Variants in DLG2 observed in about 807,000 individuals in gnomAD.
DLG2 encodes disks large homolog 2.
A neutral mutation model predicts 132.5 loss-of-function variants in DLG2; 45 were observed. The ratio of observed to expected loss-of-function variants is 0.34; its 90% CI spans 0.27 to 0.44. The LOEUF (loss-of-function observed/expected upper bound fraction) is 0.44. DLG2 is among the 20% of genes least tolerant of loss of function. The probability of loss-of-function intolerance (pLI) is 1.00; values close to 1 mark genes in which losing one functional copy is unlikely to be tolerated. For missense variants in DLG2, 1,045 were observed against 1,196.9 expected, an observed-to-expected ratio of 0.87 and a Z score of 1.87; for synonymous variants, 424 against 419.6, an observed-to-expected ratio of 1.01 and a Z score of -0.13.
At chr11:84,662,245 T>G (rs2099695177) in intron 6 of DLG2, among the ~76,000 whole-genome samples, 1 of 146,648 alleles carries the variant, frequency 6.8e-6, no homozygotes, top group South Asian at 2.2e-4. Context: ...CAGGCTGGAG[T>G]GCAATGGTAC....
intron 7 of DLG2, among the ~76,000 whole-genome samples, chr11:84,508,047 T>A (rs766256454): frequency 9.2e-5 from 14 of 152,350 alleles, no homozygotes; most frequent in Middle Eastern, 3.4e-3. Context: ...ATAATCCTTT[T>A]CAAAATATAA....
intron 11 of DLG2, among the ~76,000 whole-genome samples, chr11:84,005,040 C>CAACAA (rs1034930161): frequency 1.3e-5 from 2 of 149,028 alleles, no homozygotes; most frequent in South Asian, 2.1e-4. Flanking sequence ...AAACCAAAAA[C>CAACAA]AACAAAACAA....
intron 18 of DLG2, among the ~76,000 whole-genome samples, chr11:83,709,625 A>G (rs187009461): frequency 5.3e-5 from 8 of 152,276 alleles, no homozygotes; most frequent in East Asian, 1.9e-4. Context: ...TAGCTTTCTC[A>G]GCATCTGCAG....
At chr11:83,794,393 T>C (rs7938923) in intron 17 of DLG2, among the ~76,000 whole-genome samples, 62,172 of 150,636 alleles carry the variant, frequency 0.41, 13,206 homozygotes, top group Middle Eastern at 0.59. Flanking sequence ...TGATATGACA[T>C]TTTAAAATAC....
chr11:84,801,336 G>A (rs555729451), intron 6 of DLG2, among the ~76,000 whole-genome samples: 18 of 152,256 alleles, frequency 1.2e-4, no homozygotes, highest in African/African-American at 4.3e-4. Context: ...CTTTGAGGCC[G>A]AGGCGGGCGG....
intron 5 of DLG2, among the ~76,000 whole-genome samples, chr11:85,144,948 A>G (rs905268133): frequency 6.6e-6 from 1 of 151,978 alleles, no homozygotes; most frequent in African/African-American, 2.4e-5. Flanking sequence ...ATTGTTTGTT[A>G]ATGTCCTTTT....
At chr11:84,435,342 A>C (rs1048206265) in intron 7 of DLG2, among the ~76,000 whole-genome samples, 1 of 152,226 alleles carries the variant, frequency 6.6e-6, no homozygotes. Context: ...AACTATTTCC[A>C]TTCACCAGGC....
chr11:84,646,366 A>G (rs932932767), intron 6 of DLG2, among the ~76,000 whole-genome samples: 1 of 152,214 alleles, frequency 6.6e-6, no homozygotes, highest in African/African-American at 2.4e-5. Context: ...AAAATAAAAG[A>G]TGCCAGTTGT....
At position 84,218,793 on chromosome 11, in the gene DLG2, T is replaced by C. The variant is rs370753518; in HGVS notation, c.573+32445A>G. 8.5e-5 allele frequency among the ~76,000 whole-genome samples: 13 copies of C among 152,308 alleles called. No homozygotes were observed. In the East Asian group the frequency reaches 2.1e-3, roughly 25 times the overall value. Reference sequence around the variant, plus strand: ...GTTATCACTACTGAGGAGTTGGCATTACTGACATTTAGTGAGTAGAGGCCA... The same window carrying C: ...GTTATCACTACTGAGGAGTTGGCATCACTGACATTTAGTGAGTAGAGGCCA... On this transcript the variant is annotated intron_variant, in intron 8 of 27. Transcript: ENST00000376104.
At chr11:83,972,338 T>C (rs1425503704) in intron 12 of DLG2, among the ~76,000 whole-genome samples, 1 of 152,178 alleles carries the variant, frequency 6.6e-6, no homozygotes. Context: ...TGTAGATTTG[T>C]GTTTATGAGA....
intron 8 of DLG2, among the ~76,000 whole-genome samples, chr11:84,242,306 A>G (rs570759842): frequency 1.3e-5 from 2 of 152,246 alleles, no homozygotes; most frequent in South Asian, 4.2e-4. Flanking sequence ...AAAAAAGTGA[A>G]TTAGTTTGTG....
At chr11:84,100,466 T>C (rs1362101302) in intron 9 of DLG2, among the ~76,000 whole-genome samples, 1 of 151,476 alleles carries the variant, frequency 6.6e-6, no homozygotes, top group East Asian at 1.9e-4. Flanking sequence ...GCTACATATG[T>C]TTTCATGGTT....
chr11:83,464,507 G>C (rs1366652529), intron 26 of DLG2, among the ~76,000 whole-genome samples: 1 of 152,198 alleles, frequency 6.6e-6, no homozygotes, highest in African/African-American at 2.4e-5. Flanking sequence ...AGATTGCATT[G>C]GTCTGAATGT....
intron 6 of DLG2, among the ~76,000 whole-genome samples, chr11:84,842,415 A>G (rs1320122475): frequency 6.6e-6 from 1 of 151,996 alleles, no homozygotes; most frequent in Non-Finnish European, 1.5e-5. Context: ...TACCTCCTAA[A>G]TGAATAAAGT....
chr11:83,779,917 T>C (rs1026060345), intron 18 of DLG2, among the ~76,000 whole-genome samples: 5 of 152,156 alleles, frequency 3.3e-5, no homozygotes, highest in Non-Finnish European at 7.4e-5. Flanking sequence ...CTCACCTAAG[T>C]TGGAATTTGC....
chr11:84,325,676 A>G (rs2098426881), intron 7 of DLG2, among the ~76,000 whole-genome samples: 1 of 152,126 alleles, frequency 6.6e-6, no homozygotes, highest in Non-Finnish European at 1.5e-5. Context: ...GAATTTTTGC[A>G]TCTATATTCA....
intron 6 of DLG2, among the ~76,000 whole-genome samples, chr11:84,921,837 T>C (rs2092771080): frequency 2.0e-5 from 3 of 152,312 alleles, no homozygotes; most frequent in Middle Eastern, 3.4e-3. Flanking sequence ...TTCATATTTT[T>C]AATTATTTTT....
chr11:85,543,123 G>T (rs1318583106), intron 3 of DLG2, among the ~76,000 whole-genome samples: 2 of 152,038 alleles, frequency 1.3e-5, no homozygotes, highest in African/African-American at 4.8e-5. Flanking sequence ...TTCTACTAAT[G>T]CTATCCCTCC....
intron 4 of DLG2, among the ~76,000 whole-genome samples, chr11:85,243,525 C>G (rs2075993274): frequency 1.3e-5 from 2 of 151,902 alleles, no homozygotes; most frequent in African/African-American, 4.8e-5. Flanking sequence ...CACCCTATAG[C>G]TTATTTACCA....
Sources: allele counts gnomAD v4.1 joint callset (sites outside exome capture counted in the v4.1 genomes callset), GRCh38; gene constraint gnomAD v4.1.1; transcripts MANE v1.5; gene names NCBI Gene and HGNC (gene_info 2026-07-23, HGNC 2026-07-21).